Variants in ACAD11 observed in about 807,000 individuals in gnomAD.
ACAD11 encodes the protein acyl-CoA dehydrogenase family member 11.
In ACAD11, 83 loss-of-function variants were observed where a neutral mutation model predicts 102.2. The observed-to-expected ratio is 0.81, with a 90% CI of 0.68 to 0.97. The LOEUF (loss-of-function observed/expected upper bound fraction) is 0.97. ACAD11 is among the 50% of genes least tolerant of loss of function. The pLI is 0.00. For missense variants in ACAD11, 901 were observed against 951.7 expected, an observed-to-expected ratio of 0.95 and a Z score of 0.70; for synonymous variants, 324 against 319.8, an observed-to-expected ratio of 1.01 and a Z score of -0.14.
chr3:132,559,852 C>G lies in ACAD11; in HGVS notation c.2209G>C (p.Asp737His). The change falls in exon 19 of 20, where the codon GAT (aspartate) becomes CAT (histidine). Residue 737 changes from aspartate to histidine, a missense_variant. By Grantham distance (81) the Asp-to-His change is moderately conservative. Coordinates refer to ENST00000264990, the MANE Select transcript of ACAD11 (RefSeq NM_032169.5). ...QVCGGAGVSQDYPLANMYAIT... is the reference protein window; with the variant it reads ...QVCGGAGVSQHYPLANMYAIT... Reference sequence around the variant, plus strand: ...ACTCACATGTTAGCCAGAGGGTAATCCTGGGAAACACCAGCACCTCCGCAC... The same window carrying G: ...ACTCACATGTTAGCCAGAGGGTAATGCTGGGAAACACCAGCACCTCCGCAC... The G allele has an allele frequency of 6.2e-7, 1 of 1,613,296 alleles. No individual in the cohort carries two copies. The highest frequency in any genetic ancestry group is 8.5e-7 in the Non-Finnish European group (1 of 1,179,574).
intron 13 of ACAD11, among the ~76,000 whole-genome samples, chr3:132,597,532 T>C (rs1422050770): frequency 6.6e-6 from 1 of 152,052 alleles, no homozygotes; most frequent in Non-Finnish European, 1.5e-5. Context: ...CGATTTTAAA[T>C]GCCATTACTT....
chr3:132,618,441 T>G, intron 11 of ACAD11, 193 bp downstream of exon 11: 1 of 552,988 alleles, frequency 1.8e-6, no homozygotes, highest in East Asian at 3.4e-5. Flanking sequence ...TGTAATGATA[T>G]TTAACAAAAG....
chr3:132,650,714 T>C (rs1940897334), intron 1 of ACAD11, among the ~76,000 whole-genome samples: 1 of 152,144 alleles, frequency 6.6e-6, no homozygotes, highest in Non-Finnish European at 1.5e-5. Flanking sequence ...AGTGTAAGAC[T>C]GTCCCTCCCC....
chr3:132,569,275 C>T (rs1293382955), intron 17 of ACAD11, among the ~76,000 whole-genome samples: 1 of 152,066 alleles, frequency 6.6e-6, no homozygotes, highest in East Asian at 1.9e-4. Flanking sequence ...ATTAAAGCCA[C>T]AATGAGATAT....
At chr3:132,603,381 T>C in intron 12 of ACAD11, 54 bp from the exon 13 acceptor site, 2 of 1,473,682 alleles carry the variant, frequency 1.4e-6, no homozygotes, top group Non-Finnish European at 1.9e-6. Context: ...TCAGTAGACT[T>C]AGATAAGGAT....
intron 11 of ACAD11, among the ~76,000 whole-genome samples, chr3:132,614,247 C>T (rs1939302734): frequency 6.6e-6 from 1 of 152,112 alleles, no homozygotes; most frequent in Non-Finnish European, 1.5e-5. Flanking sequence ...GGCCATACTG[C>T]CCAAAGTAAT....
intron 11 of ACAD11, among the ~76,000 whole-genome samples, chr3:132,610,366 T>C (rs1939079889): frequency 6.6e-6 from 1 of 151,850 alleles, no homozygotes; most frequent in Non-Finnish European, 1.5e-5. Flanking sequence ...AAGAAATAAC[T>C]AAGATCAGAG....
intron 13 of ACAD11, among the ~76,000 whole-genome samples, chr3:132,587,460 CTGGT>C (rs1372851909): frequency 1.3e-5 from 2 of 152,050 alleles, no homozygotes; most frequent in Non-Finnish European, 2.9e-5. Context: ...ATATTCCTAC[CTGGT>C]TATTTTTTAT....
In ACAD11 at chr3:132,630,447, C is replaced by T; in HGVS notation, c.953G>A (p.Gly318Glu). ...AAAACAATTAATTACCTGTGCTATTCCAGCCATCTTAAAATATGAAAGGGC... is the reference window on the plus strand; with the variant it reads ...AAAACAATTAATTACCTGTGCTATTTCAGCCATCTTAAAATATGAAAGGGC... ...FLALSYFKMA[G>E]IAQGVYSRYL... is the part of the protein sequence containing the mutation. Residue 318 changes from glycine (G) to glutamate (E), a missense_variant, in exon 7 of 20, where the codon GGA (glycine) becomes GAA (glutamate). Coordinates refer to ENST00000264990, the MANE Select transcript of ACAD11 (RefSeq NM_032169.5). 1 of 1,613,144 alleles carries T rather than the reference C, an allele frequency of 6.2e-7. No homozygotes were observed. The highest frequency in any genetic ancestry group is 8.5e-7 in the Non-Finnish European group (1 of 1,179,610).
At chr3:132,598,256 A>C (rs1255445575) in intron 13 of ACAD11, among the ~76,000 whole-genome samples, 1 of 152,228 alleles carries the variant, frequency 6.6e-6, no homozygotes, top group Non-Finnish European at 1.5e-5. Context: ...TATACATTCC[A>C]AAACTTACGA....
chr3:132,619,498 C>T lies in ACAD11; in HGVS notation c.1245G>A (p.Trp415Ter). 1.3e-6 allele frequency: 2 copies of T among 1,592,332 alleles called. No individual in the cohort carries two copies. The highest frequency in any genetic ancestry group is 1.7e-6 in the Non-Finnish European group (2 of 1,171,556). ...GTTTATCAATCACTAAAGGTTTTCC[C>T]CACTTGTCCACTGAATTTTCATTTT... The part of the protein sequence containing the change: ...YVQNENSVDK[W>*]GKPLVIDKLK... Residue 415 changes from tryptophan (W) to a stop codon, truncating the protein, a stop_gained, in exon 10 of 20, where the codon TGG becomes TGA. Coordinates refer to ENST00000264990, the MANE Select transcript of ACAD11 (RefSeq NM_032169.5). LOFTEE classifies it high-confidence loss of function.
chr3:132,645,013 A>T, intron 1 of ACAD11, 117 bp from the exon 2 acceptor site: 1 of 604,138 alleles, frequency 1.7e-6, no homozygotes, highest in Non-Finnish European at 2.8e-6. Flanking sequence ...AATGCTGGAA[A>T]ATCAAGAGGG....
At chr3:132,645,627 TAAAC>T (rs1559976317) in intron 1 of ACAD11, among the ~76,000 whole-genome samples, 1 of 152,042 alleles carries the variant, frequency 6.6e-6, no homozygotes, top group African/African-American at 2.4e-5. Flanking sequence ...CTAAATTAAA[TAAAC>T]AGAAGAATCA....
rs549393377 is a variant in ACAD11 at position 132,584,754 on chromosome 3, AG to A, written c.1622-5197del. Among the ~76,000 whole-genome samples the A allele has an allele frequency of 2.5e-3, 381 of 152,232 alleles. 3 individuals are homozygous for A. Among genetic ancestry groups the A allele is most frequent in the Non-Finnish European group, 3.7e-3 (252 of 68,010 alleles). On this transcript the variant is annotated intron_variant, in intron 13 of 19. Transcript: ENST00000264990. ...GAACTCCCATTCACAATTCCTTCAA[AG>A]AGAATAAAATACTTAGGAATCCAAC...
chr3:132,560,945 A>G (rs916575548), intron 18 of ACAD11, among the ~76,000 whole-genome samples, 156 bp downstream of exon 18: 1 of 152,088 alleles, frequency 6.6e-6, no homozygotes, highest in African/African-American at 2.4e-5. Context: ...GGAGACTAGC[A>G]AGTGACAGGC....
intron 17 of ACAD11, among the ~76,000 whole-genome samples, chr3:132,564,192 G>A (rs530897128): frequency 4.1e-4 from 62 of 152,114 alleles, no homozygotes; most frequent in Non-Finnish European, 6.6e-4. Flanking sequence ...GATTCTATTC[G>A]GTAATACTTT....
intron 13 of ACAD11, among the ~76,000 whole-genome samples, chr3:132,584,950 C>T (rs554793634): frequency 8.5e-4 from 129 of 152,282 alleles, no homozygotes; most frequent in African/African-American, 2.7e-3. Flanking sequence ...ATGCCATCCC[C>T]ATCAAGCTAC....
chr3:132,558,892 A>T lies in ACAD11; in HGVS notation c.*79T>A. On this transcript the variant is annotated 3_prime_UTR_variant, in exon 20 of 20. Coordinates refer to ENST00000264990, the MANE Select transcript of ACAD11 (RefSeq NM_032169.5). Reference sequence around the variant, plus strand: ...CCTGTGCTCAAACTGCTACAAAAATATGAGATTCAAATGTTGGAGCCAATG... The same window carrying T: ...CCTGTGCTCAAACTGCTACAAAAATTTGAGATTCAAATGTTGGAGCCAATG... 5 of 1,020,674 alleles carry T rather than the reference A, an allele frequency of 4.9e-6. No individual in the cohort carries two copies. The highest frequency in any genetic ancestry group is 7.5e-6 in the Non-Finnish European group (5 of 670,854). The allele number at this position is 1,020,674 out of a possible 1,614,324, so 63.2% of individuals were successfully genotyped here. A position where few individuals can be genotyped will look rare whatever the true frequency, so the allele number is the denominator to read the frequency against.
At chr3:132,574,457 G>A (rs73860757) in intron 17 of ACAD11, among the ~76,000 whole-genome samples, 2,939 of 152,186 alleles carry the variant, frequency 0.019, 85 homozygotes, top group African/African-American at 0.066. Flanking sequence ...GTCATAAAGC[G>A]GGCTGTAGCT....
Sources: allele counts gnomAD v4.1 joint callset (sites outside exome capture counted in the v4.1 genomes callset), GRCh38; gene constraint gnomAD v4.1.1; transcripts MANE v1.5; gene names NCBI Gene and HGNC (gene_info 2026-07-23, HGNC 2026-07-21).